Variants in ARHGAP23 observed in about 807,000 individuals in gnomAD.
The protein encoded by ARHGAP23 is Rho GTPase activating protein 23.
A neutral mutation model predicts 136.3 loss-of-function variants in ARHGAP23; 34 were observed. The ratio of observed to expected loss-of-function variants is 0.25; its 90% CI spans 0.19 to 0.33. The LOEUF (loss-of-function observed/expected upper bound fraction) is 0.33, where lower values mean the gene tolerates loss of function less well. ARHGAP23 is among the 10% of genes least tolerant of loss of function. ARHGAP23 has a pLI of 1.00. For synonymous variants in ARHGAP23, 832 were observed against 920.5 expected (o/e 0.90, Z 1.74); for missense variants, 1,808 against 2,139.0 (o/e 0.85, Z 3.05).
At chr17:38,509,907 C>G (rs2144829060) in intron 23 of ARHGAP23, 37 bp from the exon 24 acceptor site, 1 of 1,240,314 alleles carries the variant, frequency 8.1e-7, no homozygotes, top group East Asian at 3.2e-5. Flanking sequence ...GGGCCGAGTC[C>G]GGGCGCCCCC....
chr17:38,437,233 T>C (rs1597744182), intron 1 of ARHGAP23, among the ~76,000 whole-genome samples: 2 of 141,992 alleles, frequency 1.4e-5, no homozygotes, highest in South Asian at 4.5e-4. Context: ...TGAGAGAGGG[T>C]TTTGCTCTGT....
intron 17 of ARHGAP23, among the ~76,000 whole-genome samples, chr17:38,488,962 G>A (rs1441781884): frequency 5.3e-5 from 8 of 151,828 alleles, no homozygotes; most frequent in Non-Finnish European, 1.0e-4. Context: ...TGCAACCTCC[G>A]CCTCCCGGGT....
At position 38,466,155 on chromosome 17, in the gene ARHGAP23, GTC is replaced by G. The variant is rs1347668248; in HGVS notation, c.484-8_484-7del. On this transcript the variant is annotated splice_polypyrimidine_tract_variant and intron_variant, in intron 6 of 23. Coordinates refer to ENST00000622683, the MANE Select transcript of ARHGAP23 (RefSeq NM_001199417.2). ...TCTGGCCCTGCTTACCTGTCTCTGT[GTC>G]TCTGGCCAGGCCTACTCCCAGGATG... 2 of 1,468,686 alleles carry G rather than the reference GTC, an allele frequency of 1.4e-6. No individual in the cohort carries two copies. The highest frequency in any genetic ancestry group is 4.5e-5 in the Admixed American group (2 of 44,704). The allele number at this position is 1,468,686 out of a possible 1,614,324, so 91.0% of individuals were successfully genotyped here.
chr17:38,468,115 G>C (rs1464810667), intron 7 of ARHGAP23, among the ~76,000 whole-genome samples: 2 of 152,232 alleles, frequency 1.3e-5, no homozygotes, highest in Non-Finnish European at 2.9e-5. Context: ...GAGTTTATCA[G>C]GGGAAGAATA....
intron 1 of ARHGAP23, among the ~76,000 whole-genome samples, chr17:38,420,100 C>A (rs561800718): frequency 6.6e-6 from 1 of 152,186 alleles, no homozygotes; most frequent in African/African-American, 2.4e-5. Context: ...TGAGTGTGGG[C>A]TGGGCTCAGT....
At chr17:38,480,550 C>T (rs531500687) in intron 14 of ARHGAP23, among the ~76,000 whole-genome samples, 113 of 152,058 alleles carry the variant, frequency 7.4e-4, no homozygotes, top group African/African-American at 2.4e-3. Context: ...AGGAGAATGG[C>T]ATGAACCTGG....
chr17:38,430,765 A>G (rs2038669543), intron 1 of ARHGAP23, among the ~76,000 whole-genome samples: 1 of 152,230 alleles, frequency 6.6e-6, no homozygotes, highest in Non-Finnish European at 1.5e-5. Flanking sequence ...ATTCCAATGT[A>G]GAAACCTGGA....
rs531749476 is a variant in ARHGAP23, at chr17:38,464,112, C to T, written c.483+730C>T. Reference sequence around the variant, plus strand: ...GCCGCACTATCACAACATGTATGCTCGCAAACACCGCGGCATCCTCCTGCC... The same window carrying T: ...GCCGCACTATCACAACATGTATGCTTGCAAACACCGCGGCATCCTCCTGCC... On this transcript the variant is annotated intron_variant, in intron 6 of 23. Transcript: ENST00000622683. 5.9e-5 allele frequency among the ~76,000 whole-genome samples: 9 copies of T among 152,282 alleles called. No individual in the cohort carries two copies. The Middle Eastern group carries it at 0.01, about 173-fold the overall frequency.
rs570814285 is a variant in ARHGAP23 at position 38,495,302 on chromosome 17, A to T, written c.3277-2483A>T. 1.5e-4 allele frequency among the ~76,000 whole-genome samples: 21 copies of T among 144,166 alleles called. No individual in the cohort carries two copies. In the East Asian group the frequency reaches 2.3e-3, roughly 15 times the overall value. The allele number at this position is 144,166 out of a possible 152,430, so 94.6% of individuals were successfully genotyped here. The stretch of plus-strand genomic sequence containing the variant: ...GCTGGAGTGCAACGGCGCGGTCTCC[A>T]CTCACTGCAGCCTCCAGCTCCTGGG... On this transcript the variant is annotated intron_variant, in intron 20 of 23. Coordinates refer to ENST00000622683, the MANE Select transcript of ARHGAP23 (RefSeq NM_001199417.2).
Position 38,485,661 on chromosome 17 carries a change from G to A in ARHGAP23, c.2908-401G>A, listed in dbSNP as rs562906446. 1.8e-3 allele frequency among the ~76,000 whole-genome samples: 280 copies of A among 152,234 alleles called. 1 individual carries two copies. Among genetic ancestry groups the A allele is most frequent in the Non-Finnish European group, 3.2e-3 (219 of 68,014 alleles). Reference sequence around the variant, plus strand: ...GGAGCCAGTTGTGTGGAGGCGGGGAGGAAAGTTCTGGTTGAGGAAACCAGC... The same window carrying A: ...GGAGCCAGTTGTGTGGAGGCGGGGAAGAAAGTTCTGGTTGAGGAAACCAGC... On this transcript the variant is annotated intron_variant, in intron 16 of 23. Transcript: ENST00000622683.
intron 16 of ARHGAP23, among the ~76,000 whole-genome samples, chr17:38,483,351 C>A (rs2040089457): frequency 6.6e-6 from 1 of 152,210 alleles, no homozygotes; most frequent in South Asian, 2.1e-4. Flanking sequence ...CGAGATGAGA[C>A]CAGCCTGTGA....
intron 20 of ARHGAP23, among the ~76,000 whole-genome samples, chr17:38,497,362 C>T (rs892236158): frequency 6.6e-6 from 1 of 152,240 alleles, no homozygotes; most frequent in Admixed American, 6.5e-5. Flanking sequence ...GTGGGGCACA[C>T]TCGGCTGTCA....
chr17:38,477,354 G>T lies in ARHGAP23; in HGVS notation c.2119-225G>T, dbSNP rs2039917706. On this transcript the variant is annotated intron_variant, in intron 11 of 23. Transcript: ENST00000622683. The surrounding 1 kb of genome is among the most constrained non-coding windows in gnomAD (Gnocchi z 6.6). Reference sequence around the variant, plus strand: ...GGGAGAGGGTTGGGGTCTGCTGGGGGGCTTTAGGATGATGGGTAGGGGTGT... The same window carrying T: ...GGGAGAGGGTTGGGGTCTGCTGGGGTGCTTTAGGATGATGGGTAGGGGTGT... Among the ~76,000 whole-genome samples, 1 of 151,992 alleles carries T rather than the reference G, an allele frequency of 6.6e-6. No individual in the cohort carries two copies. The highest frequency in any genetic ancestry group is 1.5e-5 in the Non-Finnish European group (1 of 67,984).
rs1567835526 is a variant in ARHGAP23 at position 38,510,342 on chromosome 17, G to A, written c.3846G>A (p.Leu1282=). 1 of 1,251,806 alleles carries A rather than the reference G, an allele frequency of 8.0e-7. No individual in the cohort carries two copies. 77.5% of individuals were successfully genotyped at this position (1,251,806 alleles called of 1,614,324 possible). ...GDEADDERSE[L]SHVETDTEGA... ...AGGCGGACGACGAGCGTAGCGAGCT[G>A]AGCCACGTGGAGACGGACACTGAGG... is the stretch of plus-strand genomic sequence containing the variant. Residue 1282 remains leucine, a synonymous_variant, in exon 24 of 24, where the codon CTG becomes CTA. Coordinates refer to ENST00000622683, the MANE Select transcript of ARHGAP23 (RefSeq NM_001199417.2). This position sits in a 1 kb window ranked among gnomAD's most constrained non-coding sequence, Gnocchi z 4.6.
At chr17:38,463,700 G>T (rs1186773839) in intron 6 of ARHGAP23, among the ~76,000 whole-genome samples, 1 of 152,092 alleles carries the variant, frequency 6.6e-6, no homozygotes, top group Non-Finnish European at 1.5e-5. Context: ...CCCCCTCCCT[G>T]TCTGGCCCTG....
At chr17:38,427,853 C>T (rs1377351461), upstream of ARHGAP23, among the ~76,000 whole-genome samples, 6 of 152,190 alleles carry the variant, frequency 3.9e-5, no homozygotes, top group East Asian at 1.2e-3. Flanking sequence ...TCTCCCCACC[C>T]CCTGCACTAA....
chr17:38,469,257 A>G lies in ARHGAP23; in HGVS notation c.1762A>G (p.Thr588Ala). 6.4e-7 allele frequency: 1 copy of G among 1,551,300 alleles called. No homozygotes were observed. The highest frequency in any genetic ancestry group is 1.4e-5 in the African/African-American group (1 of 73,062). Reference sequence around the variant, plus strand: ...CCTGGGCACCAGCCCATCTTCCCCGACCTTCACTTTCACCCTCGGACGCCA... The same window carrying G: ...CCTGGGCACCAGCCCATCTTCCCCGGCCTTCACTTTCACCCTCGGACGCCA... ...PVLGTSPSSP[T>A]FTFTLGRHYS... The change falls in exon 8 of 24, where the codon ACC becomes GCC. Residue 588 changes from threonine to alanine, a missense_variant. This residue lies in a region of ARHGAP23 where 859 missense variants were observed against 936.4 expected (regional missense o/e 0.92). Coordinates refer to ENST00000622683, the MANE Select transcript of ARHGAP23 (RefSeq NM_001199417.2).
intron 1 of ARHGAP23, chr17:38,457,558 T>TTG: frequency 1.8e-5 from 3 of 167,652 alleles, no homozygotes; most frequent in Non-Finnish European, 3.9e-5. Flanking sequence ...GTGTACTCAT[T>TTG]TGTGTGTGTG....
At chr17:38,435,843 C>T (rs964582362) in intron 1 of ARHGAP23, among the ~76,000 whole-genome samples, 2 of 152,190 alleles carry the variant, frequency 1.3e-5, no homozygotes, top group Non-Finnish European at 2.9e-5. Flanking sequence ...TCAGGTGATC[C>T]GCCCGCCTCA....
Sources: gnomAD v4.1 joint callset for allele counts (sites outside exome capture counted in the v4.1 genomes callset) on GRCh38, gnomAD v4.1.1 for gene constraint, gnomAD v4.1.1 regional missense constraint, Gnocchi (gnomAD v3.1) non-coding constraint, MANE v1.5 for transcripts, NCBI Gene and HGNC (gene_info 2026-07-23, HGNC 2026-07-21) for gene names.